The following SUGCT variants were observed in gnomAD, a reference collection of about 807,000 sequenced individuals.
SUGCT encodes succinyl-CoA:glutarate-CoA transferase, also known as succinyl-CoA:glutarate CoA-transferase.
A neutral mutation model predicts 55.0 loss-of-function variants in SUGCT; 41 were observed. The observed-to-expected ratio is 0.74, with a 90% CI of 0.58 to 0.97. SUGCT has a LOEUF of 0.97. SUGCT is among the 50% of genes least tolerant of loss of function. The pLI, the probability that SUGCT is intolerant of heterozygous loss-of-function variation, is 0.00. For synonymous variants in SUGCT, 187 were observed against 200.4 expected (o/e 0.93, Z 0.56); for missense variants, 568 against 547.8 (o/e 1.04, Z -0.37).
rs527975177 is a variant in SUGCT at position 40,334,422 on chromosome 7, T to C, written c.816+17567T>C. ...TCCTCTCCCAGCACCTGTTGTTTCC[T>C]GACATTTTAATGATCATCATTCTAA... is the stretch of plus-strand genomic sequence containing the variant. On this transcript the variant is annotated intron_variant, in intron 9 of 13. Transcript: ENST00000335693. Among the ~76,000 whole-genome samples the C allele has an allele frequency of 2.6e-5, 4 of 152,332 alleles. No individual in the cohort carries two copies. In the East Asian group the frequency reaches 7.7e-4, roughly 29 times the overall value.
At chr7:40,898,624 T>G in the SUGCT span, among the ~76,000 whole-genome samples, 1 of 151,018 alleles carries the variant, frequency 6.6e-6, no homozygotes, top group African/African-American at 2.4e-5. Context: ...CGGGGGAAGC[T>G]GAGGTAGGAG....
intron 6 of SUGCT, among the ~76,000 whole-genome samples, chr7:40,237,281 T>C (rs1789077570): frequency 6.6e-6 from 1 of 151,828 alleles, no homozygotes; most frequent in Non-Finnish European, 1.5e-5. Flanking sequence ...TTGTCTTTAC[T>C]GAAAATACAA....
the SUGCT span, among the ~76,000 whole-genome samples, chr7:40,929,051 T>G: frequency 2.6e-5 from 4 of 152,094 alleles, no homozygotes; most frequent in Non-Finnish European, 4.4e-5. Flanking sequence ...GTCATTTACG[T>G]TAGGTATTTC....
At chr7:40,433,287 T>G (rs1787999985) in intron 9 of SUGCT, among the ~76,000 whole-genome samples, 1 of 152,108 alleles carries the variant, frequency 6.6e-6, no homozygotes, top group African/African-American at 2.4e-5. Context: ...TTCTTTAGGT[T>G]TGTTTGTTAT....
chr7:40,337,071 C>G (rs1357429480), intron 9 of SUGCT, among the ~76,000 whole-genome samples: 4 of 152,196 alleles, frequency 2.6e-5, no homozygotes, highest in Non-Finnish European at 5.9e-5. Flanking sequence ...GAGTGAGTTT[C>G]TTAATCCTGA....
chr7:40,683,993 C>G, intron 12 of SUGCT: 1 of 1,598,766 alleles, frequency 6.3e-7, no homozygotes, highest in Non-Finnish European at 8.5e-7. Flanking sequence ...GTGTTACTGG[C>G]AGAATTCAAA....
intron 8 of SUGCT, among the ~76,000 whole-genome samples, chr7:40,284,511 G>A (rs1451996873): frequency 6.6e-6 from 1 of 151,592 alleles, no homozygotes; most frequent in African/African-American, 2.4e-5. Flanking sequence ...TGGAGGCTGA[G>A]GCAGGAGAAT....
At chr7:40,941,493 A>C in the SUGCT span, among the ~76,000 whole-genome samples, 2 of 152,120 alleles carry the variant, frequency 1.3e-5, no homozygotes, top group Admixed American at 1.3e-4. Flanking sequence ...CTCTCATATA[A>C]TCTATCTTGA....
the SUGCT span, among the ~76,000 whole-genome samples, chr7:40,903,780 C>T: frequency 2.0e-5 from 3 of 151,990 alleles, no homozygotes; most frequent in Non-Finnish European, 4.4e-5. Context: ...TGTTACCTTA[C>T]ATCCTCCTAC....
In SUGCT at chr7:40,634,329, C is replaced by T. The variant is rs1031749220; in HGVS notation, c.1090-115105C>T. On this transcript the variant is annotated intron_variant, in intron 12 of 13. Coordinates refer to ENST00000335693, the MANE Select transcript of SUGCT (RefSeq NM_001193313.2). Reference sequence around the variant, plus strand: ...CCATGAGACACTAAATGCAACCCACCGCGGTGCATCTCGAGGGCTACTGCT... The same window carrying T: ...CCATGAGACACTAAATGCAACCCACTGCGGTGCATCTCGAGGGCTACTGCT... 5.3e-5 allele frequency among the ~76,000 whole-genome samples: 8 copies of T among 152,128 alleles called. No homozygotes were observed. The East Asian group carries it at 7.7e-4, about 15-fold the overall frequency.
rs550006903 is a variant in SUGCT, at chr7:40,402,134, T to TC, written c.817-47150dup. On this transcript the variant is annotated intron_variant, in intron 9 of 13. Transcript: ENST00000335693. Reference sequence around the variant, plus strand: ...ACACTTGGTAAAATAGGTATTTTTATCCCTTTTTTTTTTCAAATGAATGAG... The same window carrying TC: ...ACACTTGGTAAAATAGGTATTTTTATCCCCTTTTTTTTTTCAAATGAATGAG... Among the ~76,000 whole-genome samples, 203 of 152,090 alleles carry TC rather than the reference T, an allele frequency of 1.3e-3. No homozygotes were observed. In the Middle Eastern group the frequency reaches 0.017, roughly 13 times the overall value.
At position 40,780,811 on chromosome 7, in the gene SUGCT, A is replaced by G. The variant is rs981230046; in HGVS notation, c.1153+31314A>G. Among the ~76,000 whole-genome samples, 13 of 145,374 alleles carry G rather than the reference A, an allele frequency of 8.9e-5. No homozygotes were observed. The East Asian group carries it at 1.6e-3, about 18-fold the overall frequency. On this transcript the variant is annotated intron_variant, in intron 13 of 13. Transcript: ENST00000335693. ...TTTTTAATTTTGTTGCCTTTAACAAATTTAAAAACACCAGCATTGAAAACT... is the reference window on the plus strand; with the variant it reads ...TTTTTAATTTTGTTGCCTTTAACAAGTTTAAAAACACCAGCATTGAAAACT...
intron 11 of SUGCT, among the ~76,000 whole-genome samples, chr7:40,489,815 C>G (rs1791586389): frequency 6.6e-6 from 1 of 152,220 alleles, no homozygotes; most frequent in Non-Finnish European, 1.5e-5. Flanking sequence ...CAGTCCCCAG[C>G]ACCTTATTTT....
At chr7:40,662,069 C>T (rs1009348672) in intron 12 of SUGCT, among the ~76,000 whole-genome samples, 1 of 152,190 alleles carries the variant, frequency 6.6e-6, no homozygotes, top group African/African-American at 2.4e-5. Context: ...CGTATCTCCC[C>T]CTTGCCCCAA....
At chr7:40,507,698 A>G (rs1029539051) in intron 12 of SUGCT, among the ~76,000 whole-genome samples, 4 of 152,082 alleles carry the variant, frequency 2.6e-5, no homozygotes, top group East Asian at 1.9e-4. Flanking sequence ...GTTTGGTTAG[A>G]GTTTAAGTAC....
intron 7 of SUGCT, among the ~76,000 whole-genome samples, chr7:40,242,906 CATATATAT>C (rs1159693206): frequency 1.6e-3 from 51 of 32,232 alleles, no homozygotes; most frequent in African/African-American, 3.8e-3. Flanking sequence ...TGCTATGTGG[CATATATAT>C]ATATATATAT....
At chr7:40,839,975 A>G (rs1793193897) in intron 13 of SUGCT, among the ~76,000 whole-genome samples, 1 of 152,194 alleles carries the variant, frequency 6.6e-6, no homozygotes, top group Non-Finnish European at 1.5e-5. Flanking sequence ...TTTCAAAAAA[A>G]AAAGAGGTTT....
the SUGCT span, among the ~76,000 whole-genome samples, chr7:40,923,030 G>C: frequency 2.0e-5 from 3 of 152,216 alleles, no homozygotes; most frequent in Non-Finnish European, 4.4e-5. Context: ...AGAAAGCTGA[G>C]ATGGGTGGAG....
chr7:40,347,926 G>T (rs1413475107), intron 9 of SUGCT, among the ~76,000 whole-genome samples: 2 of 152,178 alleles, frequency 1.3e-5, no homozygotes, highest in East Asian at 3.8e-4. Context: ...TAAAAATTAT[G>T]TCTGCCTAGC....
Sources: allele counts gnomAD v4.1 joint callset (sites outside exome capture counted in the v4.1 genomes callset), GRCh38; gene constraint gnomAD v4.1.1; transcripts MANE v1.5; gene names NCBI Gene and HGNC (gene_info 2026-07-23, HGNC 2026-07-21).